ZNF19: variants seen among roughly 807,000 people sequenced by gnomAD.
The protein encoded by ZNF19 is zinc finger protein 19 (KOX 12).
Under a neutral mutation model 13.1 loss-of-function variants are expected in ZNF19, and 11 were observed. The ratio of observed to expected loss-of-function variants is 0.84; its 90% CI spans 0.53 to 1.39. The LOEUF is 1.39. Ranked by LOEUF, ZNF19 falls within the 40% of genes most tolerant of loss-of-function variation. The pLI, the probability that ZNF19 is intolerant of heterozygous loss-of-function variation, is 0.00. For synonymous variants in ZNF19, 186 were observed against 187.0 expected (o/e 0.99, Z 0.04); for missense variants, 560 against 547.0 (o/e 1.02, Z -0.24).
chr16:71,479,146 G>A lies in ZNF19; in HGVS notation c.34-141C>T, dbSNP rs1360091830. 8 of 1,100,896 alleles carry A rather than the reference G, an allele frequency of 7.3e-6. No individual in the cohort carries two copies. In the Admixed American group the frequency reaches 1.6e-4, roughly 22 times the overall value. The allele number at this position is 1,100,896 out of a possible 1,614,324, so 68.2% of individuals were successfully genotyped here. On this transcript the variant is annotated intron_variant, in intron 3 of 5. Transcript: ENST00000288177. Reference sequence around the variant, plus strand: ...GAAAATGTGACAGAACTGGATATTAGACCATTATATGACTATTTTTACAAC... The same window carrying A: ...GAAAATGTGACAGAACTGGATATTAAACCATTATATGACTATTTTTACAAC...
Position 71,475,816 on chromosome 16 carries a change from G to A in ZNF19, c.731C>T (p.Pro244Leu). ...ATTCCCACACTCTGTACAGTAATAG[G>A]GTCTGTCCCCACTGTGGATTCTCTG... is the stretch of plus-strand genomic sequence containing the variant. ...RHQRIHSGDR[P>L]YYCTECGNSF... Residue 244 changes from proline to leucine, a missense_variant, in exon 6 of 6, where the codon CCC (proline) becomes CTC (leucine). Pro to Leu is a moderately conservative substitution (Grantham distance 98). Coordinates refer to ENST00000288177, the MANE Select transcript of ZNF19 (RefSeq NM_006961.4). 2 of 1,612,790 alleles carry A rather than the reference G, an allele frequency of 1.2e-6. No individual in the cohort carries two copies. The highest frequency in any genetic ancestry group is 1.7e-6 in the Non-Finnish European group (2 of 1,179,144).
At chr16:71,484,033 GCAGT>G (rs546414624) in intron 2 of ZNF19, among the ~76,000 whole-genome samples, 17 of 152,342 alleles carry the variant, frequency 1.1e-4, no homozygotes, top group Non-Finnish European at 2.1e-4. Flanking sequence ...CACTGTAGTA[GCAGT>G]CAAAGGAGAG....
intron 1 of ZNF19, 59 bp from the exon 2 acceptor site, chr16:71,484,807 T>G: frequency 2.2e-6 from 2 of 913,340 alleles, no homozygotes; most frequent in Non-Finnish European, 2.6e-6. Context: ...AAATTTAGCA[T>G]TTTCTTCTAT....
Position 71,475,305 on chromosome 16 carries a change from C to G in ZNF19, c.1242G>C (p.Glu414Asp). 4.3e-6 allele frequency: 7 copies of G among 1,614,228 alleles called. No homozygotes were observed. The highest frequency in any genetic ancestry group is 5.9e-6 in the Non-Finnish European group (7 of 1,180,028). The stretch of plus-strand genomic sequence containing the variant: ...CAAAGGCCTTCTCATACTTGCTACA[C>G]TCATAGGGTTTCTCTCCAGTATGGA... ...QRIHTGEKPY[E>D]CSKYEKAFGT... Residue 414 changes from glutamate (E) to aspartate (D), a missense_variant, in exon 6 of 6, where the codon GAG becomes GAC. By Grantham distance (45) the Glu-to-Asp change is conservative. Coordinates refer to ENST00000288177, the MANE Select transcript of ZNF19 (RefSeq NM_006961.4).
intron 3 of ZNF19, among the ~76,000 whole-genome samples, chr16:71,481,255 T>C (rs569507105): frequency 6.6e-6 from 1 of 152,232 alleles, no homozygotes; most frequent in South Asian, 2.1e-4. Flanking sequence ...CACAGTCAGG[T>C]AGAGAAAACT....
intron 2 of ZNF19, 23 bp downstream of exon 2, chr16:71,484,566 A>C: frequency 2.0e-6 from 2 of 985,450 alleles, no homozygotes; most frequent in Non-Finnish European, 2.4e-6. Flanking sequence ...AAGGACTCCT[A>C]GGCGACAAAC....
Position 71,475,440 on chromosome 16 carries a change from C to T in ZNF19, c.1107G>A (p.Gln369=). The T allele has an allele frequency of 6.2e-7, 1 of 1,611,578 alleles. No homozygotes were observed. Among genetic ancestry groups the T allele is most frequent in the East Asian group, 2.2e-5 (1 of 44,712 alleles). The change falls in exon 6 of 6, where the codon CAG becomes CAA. Residue 369 remains glutamine, a synonymous_variant. Transcript: ENST00000288177. ...TTCTCAGATGCCTTTTTAATTGTTCCTGAGCACTGAAGGCTTTTCCACAAT... is the reference window on the plus strand; with the variant it reads ...TTCTCAGATGCCTTTTTAATTGTTCTTGAGCACTGAAGGCTTTTCCACAAT... ...CVDCGKAFSA[Q]EQLKRHLRIH... is the part of the protein sequence containing the mutation.
rs1361790174 is a variant in ZNF19, at chr16:71,474,344, C to A, written c.*826G>T. 6.6e-6 allele frequency: 1 copy of A among 152,196 alleles called. No individual in the cohort carries two copies. The highest frequency in any genetic ancestry group is 1.5e-5 in the Non-Finnish European group (1 of 68,024). The allele number at this position is 152,196 out of a possible 1,614,324, so 9.4% of individuals were successfully genotyped here. On this transcript the variant is annotated 3_prime_UTR_variant, in exon 6 of 6. Transcript: ENST00000288177. ...CTCAGTTTAAGGCCTAGAGTAGCAT[C>A]CATTCCAAATAAAAAACTGAATAAA...
At position 71,478,923 on chromosome 16, in the gene ZNF19, T is replaced by C. The variant is rs1352197543; in HGVS notation, c.116A>G (p.Tyr39Cys). 6.2e-7 allele frequency: 1 copy of C among 1,614,094 alleles called. No individual in the cohort carries two copies. The highest frequency in any genetic ancestry group is 2.2e-5 in the East Asian group (1 of 44,900). Residue 39 changes from tyrosine (Y) to cysteine (C), a missense_variant, in exon 4 of 6, where the codon TAC (tyrosine) becomes TGC (cysteine). Tyr to Cys is a radical substitution (Grantham distance 194, BLOSUM62 -2). Coordinates refer to ENST00000288177, the MANE Select transcript of ZNF19 (RefSeq NM_006961.4). ...AAAATTCTCCAACATCACACTTCTG[T>C]ACAGGGCCCTCTGGGCAGGAGAAAG... Reference protein sequence around the residue: ...TGLSPAQRALYRSVMLENFGN... With the variant: ...TGLSPAQRALCRSVMLENFGN...
At position 71,474,972 on chromosome 16, in the gene ZNF19, G is replaced by A. The variant is rs1235471677; in HGVS notation, c.*198C>T. ...CTCAGCATTAAAACCAATGGGGGTG[G>A]GCGGGGGGAGAGTATTTGTTCCTAT... On this transcript the variant is annotated 3_prime_UTR_variant, in exon 6 of 6. Coordinates refer to ENST00000288177, the MANE Select transcript of ZNF19 (RefSeq NM_006961.4). 4 of 641,680 alleles carry A rather than the reference G, an allele frequency of 6.2e-6. No individual in the cohort carries two copies. Among genetic ancestry groups the A allele is most frequent in the African/African-American group, 1.8e-5 (1 of 54,510 alleles). 39.7% of individuals were successfully genotyped at this position (641,680 alleles called of 1,614,324 possible).
At chr16:71,482,663 C>G (rs1181674921) in intron 2 of ZNF19, among the ~76,000 whole-genome samples, 2 of 152,026 alleles carry the variant, frequency 1.3e-5, no homozygotes, top group African/African-American at 2.4e-5. Flanking sequence ...GAACTCGGAT[C>G]CCACACTAGA....
rs751030484 is a variant in ZNF19 at position 71,475,938 on chromosome 16, C to T, written c.609G>A (p.Ser203=). Residue 203 remains serine (S), a synonymous_variant, in exon 6 of 6, where the codon TCG becomes TCA. Transcript: ENST00000288177. ...TGTGAATCCTCTGGTGCCGAATTAA[C>T]GAAGAATTACCATTAAAGGCTTTTC... ...ECGKAFNGNS[S]LIRHQRIHTG... 37 of 1,613,032 alleles carry T rather than the reference C, an allele frequency of 2.3e-5. No homozygotes were observed. The highest frequency in any genetic ancestry group is 2.0e-4 in the African/African-American group (15 of 74,554).
At chr16:71,481,335 A>G (rs1230617472) in intron 3 of ZNF19, among the ~76,000 whole-genome samples, 4 of 152,256 alleles carry the variant, frequency 2.6e-5, no homozygotes, top group Non-Finnish European at 4.4e-5. Context: ...TGGATAAATA[A>G]GTGCCAGGAG....
At chr16:71,484,379 C>A (rs1308751413) in intron 2 of ZNF19, among the ~76,000 whole-genome samples, 4 of 152,212 alleles carry the variant, frequency 2.6e-5, no homozygotes, top group Admixed American at 2.0e-4. Flanking sequence ...TCCACAGCCT[C>A]CATTTCCCAA....
At chr16:71,482,251 A>C in intron 2 of ZNF19, 108 bp from the exon 3 acceptor site, 1 of 949,792 alleles carries the variant, frequency 1.1e-6, no homozygotes, top group African/African-American at 1.6e-5. Context: ...CTAAATGCTC[A>C]CTGGGTTAGT....
chr16:71,484,513 G>A, intron 2 of ZNF19, 76 bp downstream of exon 2: 1 of 985,424 alleles, frequency 1.0e-6, no homozygotes, highest in Non-Finnish European at 1.2e-6. Context: ...CAGCAGGGAC[G>A]AAGCCGACAG....
chr16:71,477,314 G>A, intron 5 of ZNF19, among the ~76,000 whole-genome samples: 1 of 152,178 alleles, frequency 6.6e-6, no homozygotes, highest in African/African-American at 2.4e-5. Flanking sequence ...AAGCGTGTGA[G>A]AACAAACCAA....
Position 71,478,311 on chromosome 16 carries a change from G to A in ZNF19, c.191C>T (p.Ser64Leu). 6.2e-7 allele frequency: 1 copy of A among 1,613,964 alleles called. No homozygotes were observed. The highest frequency in any genetic ancestry group is 1.1e-5 in the South Asian group (1 of 91,030). Residue 64 changes from serine to leucine, a missense_variant, in exon 5 of 6, where the codon TCA becomes TTA. Transcript: ENST00000288177. ...AGCCATGTCCCCTCTCTCCAAAAGTGAGATCAGTGCAGGTTTGGGAACTGG... is the reference window on the plus strand; with the variant it reads ...AGCCATGTCCCCTCTCTCCAAAAGTAAGATCAGTGCAGGTTTGGGAACTGG... ...GYPVPKPALI[S>L]LLERGDMAWG...
At chr16:71,488,055 G>A (rs2043691661) in intron 1 of ZNF19, among the ~76,000 whole-genome samples, 1 of 152,068 alleles carries the variant, frequency 6.6e-6, no homozygotes, top group Non-Finnish European at 1.5e-5. Context: ...AGCAAGGCCA[G>A]AAAAAGAAAT....
Sources: gnomAD v4.1 joint callset for allele counts (sites outside exome capture counted in the v4.1 genomes callset) on GRCh38, gnomAD v4.1.1 for gene constraint, MANE v1.5 for transcripts, NCBI Gene and HGNC (gene_info 2026-07-23, HGNC 2026-07-21) for gene names.